ADGRB3: variants seen among roughly 807,000 people sequenced by gnomAD.
The protein encoded by ADGRB3 is brain-specific angiogenesis inhibitor 3.
ADGRB3 carries 37 observed loss-of-function variants against 193.4 expected under a neutral mutation model. The ratio of observed to expected loss-of-function variants is 0.19; its 90% confidence interval spans 0.15 to 0.25. The LOEUF is 0.25. ADGRB3 is among the 10% of genes least tolerant of loss of function. The pLI is 1.00. For synonymous variants in ADGRB3, 690 were observed against 644.2 expected, an observed-to-expected ratio of 1.07 and a Z score of -1.08; for missense variants, 1,637 against 1,852.9, an observed-to-expected ratio of 0.88 and a Z score of 2.14.
intron 20 of ADGRB3, among the ~76,000 whole-genome samples, chr6:69,294,081 C>T (rs531577936): frequency 4.7e-4 from 71 of 152,210 alleles, no homozygotes; most frequent in African/African-American, 1.7e-3. Context: ...CCTTCTCTTA[C>T]TTGCTTAACA....
At chr6:69,182,712 G>A (rs927129934) in intron 17 of ADGRB3, among the ~76,000 whole-genome samples, 2 of 151,954 alleles carry the variant, frequency 1.3e-5, no homozygotes, top group East Asian at 1.9e-4. Context: ...TGGATATAAC[G>A]ATTGGTAAGC....
At chr6:69,364,914 A>G (rs1464555287) in intron 29 of ADGRB3, among the ~76,000 whole-genome samples, 2 of 152,092 alleles carry the variant, frequency 1.3e-5, no homozygotes, top group Non-Finnish European at 2.9e-5. Flanking sequence ...CATGGTTCTC[A>G]AGCACTTGAG....
At chr6:69,358,264 T>C (rs1018861023) in intron 28 of ADGRB3, among the ~76,000 whole-genome samples, 16 of 151,846 alleles carry the variant, frequency 1.1e-4, no homozygotes, top group Non-Finnish European at 2.2e-4. Flanking sequence ...ACCCAGGCCT[T>C]TGGGGTCTGA....
At chr6:68,951,509 G>A (rs959872886) in intron 6 of ADGRB3, among the ~76,000 whole-genome samples, 1 of 152,108 alleles carries the variant, frequency 6.6e-6, no homozygotes, top group Non-Finnish European at 1.5e-5. Context: ...GCAGAGCTCA[G>A]CCAGTCCTTA....
intron 3 of ADGRB3, among the ~76,000 whole-genome samples, chr6:68,679,296 G>C (rs1189673280): frequency 6.6e-6 from 1 of 152,110 alleles, no homozygotes; most frequent in East Asian, 1.9e-4. Context: ...TGCTTTGTGG[G>C]TGGCTTTTCT....
chr6:68,676,739 T>C (rs995104367), intron 3 of ADGRB3, among the ~76,000 whole-genome samples: 14 of 152,302 alleles, frequency 9.2e-5, no homozygotes, highest in Admixed American at 7.8e-4. Context: ...GTAAAATGAC[T>C]TTTTAATGAA....
chr6:68,732,002 A>G (rs1271466953), intron 3 of ADGRB3, among the ~76,000 whole-genome samples: 1 of 151,758 alleles, frequency 6.6e-6, no homozygotes, highest in Non-Finnish European at 1.5e-5. Flanking sequence ...TAGTACCTGC[A>G]TGAGTATATT....
intron 3 of ADGRB3, among the ~76,000 whole-genome samples, chr6:68,881,776 A>G (rs1426641723): frequency 6.6e-6 from 1 of 152,244 alleles, no homozygotes; most frequent in African/African-American, 2.4e-5. Flanking sequence ...AAATAAATGA[A>G]TAAAACACCC....
chr6:69,029,561 A>G (rs1019125388), intron 13 of ADGRB3, among the ~76,000 whole-genome samples: 1 of 152,242 alleles, frequency 6.6e-6, no homozygotes, highest in African/African-American at 2.4e-5. Flanking sequence ...TAGAATGCAC[A>G]TTAATGTGGA....
intron 29 of ADGRB3, among the ~76,000 whole-genome samples, chr6:69,365,055 G>T (rs75963903): frequency 2.0e-5 from 3 of 152,070 alleles, no homozygotes; most frequent in East Asian, 3.9e-4. Context: ...ACTTTAGCAG[G>T]TTGTAGAAGT....
At chr6:68,838,803 C>A (rs1768093213) in intron 3 of ADGRB3, among the ~76,000 whole-genome samples, 1 of 152,130 alleles carries the variant, frequency 6.6e-6, no homozygotes, top group Non-Finnish European at 1.5e-5. Flanking sequence ...GAGATTATTT[C>A]ATGTGTCAGT....
At chr6:69,236,676 A>G (rs962000033) in intron 19 of ADGRB3, among the ~76,000 whole-genome samples, 1 of 152,064 alleles carries the variant, frequency 6.6e-6, no homozygotes, top group African/African-American at 2.4e-5. Flanking sequence ...TTCAGGCACC[A>G]ATTCCACCTT....
At chr6:69,291,806 A>T (rs528972030) in intron 20 of ADGRB3, among the ~76,000 whole-genome samples, 1 of 152,184 alleles carries the variant, frequency 6.6e-6, no homozygotes, top group East Asian at 1.9e-4. Context: ...TAAAGAGCAC[A>T]TGCAGGAAGG....
chr6:68,974,497 G>A (rs891115640), intron 8 of ADGRB3, among the ~76,000 whole-genome samples: 1 of 152,068 alleles, frequency 6.6e-6, no homozygotes, highest in African/African-American at 2.4e-5. Flanking sequence ...GCCAGATGTG[G>A]CAACACACGT....
chr6:69,317,833 G>T (rs1037453219), intron 20 of ADGRB3, among the ~76,000 whole-genome samples: 12 of 151,228 alleles, frequency 7.9e-5, no homozygotes, highest in African/African-American at 2.9e-4. Context: ...AGACAAATCG[G>T]TAATGTTTAA....
intron 20 of ADGRB3, among the ~76,000 whole-genome samples, chr6:69,250,915 C>T (rs985225346): frequency 6.6e-6 from 1 of 152,156 alleles, no homozygotes. Context: ...AAATCCAAAC[C>T]ACATAATATG....
At position 69,355,811 on chromosome 6, in the gene ADGRB3, A is replaced by G. The variant is rs372737630; in HGVS notation, c.3556-10A>G. ...ATGATGGTTCTATGTCTTATTATTT[A>G]TTGTTACAGACAGACTTTGAAAAGG... On this transcript the variant is annotated splice_polypyrimidine_tract_variant and intron_variant, in intron 27 of 31. Coordinates refer to ENST00000370598, the MANE Select transcript of ADGRB3 (RefSeq NM_001704.3). The G allele has an allele frequency of 1.9e-6, 3 of 1,602,504 alleles. No individual in the cohort carries two copies. Among genetic ancestry groups the G allele is most frequent in the Non-Finnish European group, 2.6e-6 (3 of 1,170,898 alleles).
chr6:69,107,238 T>C (rs1241137253), intron 17 of ADGRB3, among the ~76,000 whole-genome samples: 1 of 152,186 alleles, frequency 6.6e-6, no homozygotes, highest in Non-Finnish European at 1.5e-5. Flanking sequence ...AAAATTATAT[T>C]TCTACTTATG....
At chr6:68,687,693 C>T (rs1298239938) in intron 3 of ADGRB3, among the ~76,000 whole-genome samples, 1 of 152,004 alleles carries the variant, frequency 6.6e-6, no homozygotes, top group Non-Finnish European at 1.5e-5. Flanking sequence ...TATTATGTAC[C>T]ATTCACTAGG....
Sources: allele counts gnomAD v4.1 joint callset (sites outside exome capture counted in the v4.1 genomes callset), GRCh38; gene constraint gnomAD v4.1.1; transcripts MANE v1.5; gene names NCBI Gene and HGNC (gene_info 2026-07-23, HGNC 2026-07-21).